LIPI: variants seen among roughly 807,000 people sequenced by gnomAD.
LIPI encodes the protein lipase member I.
A neutral mutation model predicts 50.6 loss-of-function variants in LIPI; 59 were observed. The ratio of observed to expected loss-of-function variants is 1.16; its 90% confidence interval spans 0.94 to 1.45. The LOEUF (loss-of-function observed/expected upper bound fraction) is 1.45. Among genes scored for constraint, LIPI ranks in the 40% most tolerant of loss-of-function variants. The pLI, the probability that LIPI is intolerant of heterozygous loss-of-function variation, is 0.00. For missense variants in LIPI, 586 were observed against 536.3 expected (o/e 1.09, Z -0.92); for synonymous variants, 203 against 178.2 (o/e 1.14, Z -1.11).
At chr21:14,167,042 G>A (rs1255013348) in intron 4 of LIPI, among the ~76,000 whole-genome samples, 2 of 152,190 alleles carry the variant, frequency 1.3e-5, no homozygotes, top group Non-Finnish European at 2.9e-5. Flanking sequence ...CTTAAAAAAC[G>A]GCCCACCAGG....
chr21:14,179,860 T>A (rs2019212212), intron 4 of LIPI, among the ~76,000 whole-genome samples: 1 of 152,112 alleles, frequency 6.6e-6, no homozygotes, highest in South Asian at 2.1e-4. Context: ...AAGAACAGAA[T>A]AACAGCGGCT....
intron 9 of LIPI, among the ~76,000 whole-genome samples, chr21:14,118,825 G>C (rs2016753577): frequency 6.6e-6 from 1 of 152,074 alleles, no homozygotes; most frequent in Non-Finnish European, 1.5e-5. Context: ...TTCCCACAGA[G>C]GTTAACCAAG....
At chr21:14,187,596 A>G (rs528354242) in intron 2 of LIPI, among the ~76,000 whole-genome samples, 1 of 152,318 alleles carries the variant, frequency 6.6e-6, no homozygotes, top group Admixed American at 6.5e-5. Flanking sequence ...TTTGAGGCAC[A>G]TATTTATTAG....
At chr21:14,138,408 T>G (rs2017586311) in intron 9 of LIPI, among the ~76,000 whole-genome samples, 1 of 152,272 alleles carries the variant, frequency 6.6e-6, no homozygotes, top group African/African-American at 2.4e-5. Context: ...AACAGCATAA[T>G]ATTTTTAAAA....
intron 4 of LIPI, among the ~76,000 whole-genome samples, chr21:14,175,092 G>T (rs1398515883): frequency 6.6e-6 from 1 of 152,060 alleles, no homozygotes; most frequent in African/African-American, 2.4e-5. Flanking sequence ...TCCTATTGTG[G>T]TGCATTTGTA....
intron 9 of LIPI, among the ~76,000 whole-genome samples, chr21:14,138,288 A>T (rs190539114): frequency 1.4e-4 from 21 of 152,236 alleles, no homozygotes; most frequent in Admixed American, 6.5e-4. Flanking sequence ...AAAAATAAAG[A>T]TTTCAGGACA....
intron 1 of LIPI, among the ~76,000 whole-genome samples, chr21:14,204,765 T>C (rs2020178740): frequency 6.6e-6 from 1 of 151,962 alleles, no homozygotes; most frequent in African/African-American, 2.4e-5. Context: ...TGATTCTAGT[T>C]ATATTAAAGT....
chr21:14,187,469 G>A (rs889116196), intron 2 of LIPI, among the ~76,000 whole-genome samples: 9 of 152,260 alleles, frequency 5.9e-5, no homozygotes, highest in African/African-American at 2.2e-4. Context: ...AGTGCTGCCG[G>A]TCATTTAAAT....
chr21:14,117,111 A>T (rs775451508), intron 9 of LIPI, among the ~76,000 whole-genome samples: 1 of 152,154 alleles, frequency 6.6e-6, no homozygotes, highest in Non-Finnish European at 1.5e-5. Context: ...GTCAGGACAC[A>T]CCCAAGCCAT....
intron 4 of LIPI, among the ~76,000 whole-genome samples, chr21:14,179,117 T>C (rs1017945826): frequency 1.3e-5 from 2 of 152,146 alleles, no homozygotes; most frequent in East Asian, 1.9e-4. Context: ...CTTTTGGATA[T>C]TGGACTCATA....
chr21:14,203,096 C>G (rs1005305984), intron 1 of LIPI, among the ~76,000 whole-genome samples: 1 of 152,212 alleles, frequency 6.6e-6, no homozygotes, highest in African/African-American at 2.4e-5. Context: ...CTCGTCATCA[C>G]TGGCCATCAG....
intron 1 of LIPI, among the ~76,000 whole-genome samples, chr21:14,210,380 G>A (rs947171364): frequency 1.3e-5 from 2 of 151,970 alleles, no homozygotes; most frequent in Non-Finnish European, 2.9e-5. Context: ...TTTTGCAATC[G>A]ATAATTTATC....
intron 8 of LIPI, among the ~76,000 whole-genome samples, chr21:14,145,706 A>AG (rs1264811779): frequency 6.6e-6 from 1 of 151,730 alleles, no homozygotes; most frequent in Non-Finnish European, 1.5e-5. Flanking sequence ...ACAGAAGTGA[A>AG]GGGAAAAAAA....
chr21:14,157,533 G>A (rs183159977), intron 7 of LIPI, among the ~76,000 whole-genome samples: 1 of 151,878 alleles, frequency 6.6e-6, no homozygotes, highest in Non-Finnish European at 1.5e-5. Flanking sequence ...CGTTATAGTG[G>A]TATAAATAGT....
At chr21:14,145,045 G>C (rs2017852529) in intron 8 of LIPI, among the ~76,000 whole-genome samples, 1 of 152,002 alleles carries the variant, frequency 6.6e-6, no homozygotes, top group South Asian at 2.1e-4. Context: ...CTTCTTTTGG[G>C]AAAAAGTGAC....
intron 4 of LIPI, among the ~76,000 whole-genome samples, chr21:14,173,897 GGT>G (rs2019005125): frequency 6.6e-6 from 1 of 151,884 alleles, no homozygotes. Flanking sequence ...TTGGGACAAT[GGT>G]GAGGGTATGC....
At chr21:14,170,629 A>G (rs1450214308) in intron 4 of LIPI, among the ~76,000 whole-genome samples, 1 of 152,224 alleles carries the variant, frequency 6.6e-6, no homozygotes, top group Non-Finnish European at 1.5e-5. Flanking sequence ...GATTATCTCA[A>G]CAGATGCAGA....
intron 4 of LIPI, among the ~76,000 whole-genome samples, chr21:14,170,330 T>C (rs577066970): frequency 1.3e-5 from 2 of 152,114 alleles, no homozygotes; most frequent in East Asian, 1.9e-4. Context: ...TTCCAATCAA[T>C]AGAAAAAGAG....
At chr21:14,160,669 T>C (rs1216902232) in intron 7 of LIPI, among the ~76,000 whole-genome samples, 3 of 151,358 alleles carry the variant, frequency 2.0e-5, no homozygotes, top group Non-Finnish European at 4.4e-5. Flanking sequence ...ACTAATCACT[T>C]TTTCTCTGCC....
Sources: allele counts gnomAD v4.1 joint callset (sites outside exome capture counted in the v4.1 genomes callset), GRCh38; gene constraint gnomAD v4.1.1; transcripts MANE v1.5; gene names NCBI Gene and HGNC (gene_info 2026-07-23, HGNC 2026-07-21).